Variants in CARS2 observed in about 807,000 individuals in gnomAD.
CARS2 encodes probable cysteine--tRNA ligase, mitochondrial.
Under a neutral mutation model 68.8 loss-of-function variants are expected in CARS2, and 52 were observed. The ratio of observed to expected loss-of-function variants is 0.76; its 90% CI spans 0.61 to 0.95. CARS2 has a LOEUF of 0.95. Ranked by LOEUF, CARS2 falls within the 40% of genes least tolerant of loss-of-function variation. The pLI is 0.00. For missense variants in CARS2, 780 were observed against 754.2 expected (o/e 1.03, Z -0.40); for synonymous variants, 314 against 303.6 (o/e 1.03, Z -0.36).
chr13:110,712,504 CAG>C, intron 1 of CARS2: 1 of 277,132 alleles, frequency 3.6e-6, no homozygotes, highest in South Asian at 2.8e-5. Flanking sequence ...AGGCCACGCC[CAG>C]GAGGGGCGGG....
chr13:110,675,927 G>A (rs931797735), intron 7 of CARS2, among the ~76,000 whole-genome samples: 1 of 152,164 alleles, frequency 6.6e-6, no homozygotes, highest in Non-Finnish European at 1.5e-5. Flanking sequence ...AGGCCAAGGC[G>A]GGCGGATTAC....
chr13:110,680,388 G>A (rs527749205), intron 6 of CARS2, among the ~76,000 whole-genome samples: 13 of 152,156 alleles, frequency 8.5e-5, no homozygotes, highest in East Asian at 5.8e-4. Flanking sequence ...GTGAGATTCC[G>A]TCTCAAAAAA....
At chr13:110,674,777 C>T (rs1169602449) in intron 7 of CARS2, among the ~76,000 whole-genome samples, 3 of 152,200 alleles carry the variant, frequency 2.0e-5, no homozygotes. Flanking sequence ...AGGCAACCTA[C>T]AGAATGGGAG....
chr13:110,712,959 T>C (rs1341818104), intron 1 of CARS2: 1 of 1,560,120 alleles, frequency 6.4e-7, no homozygotes, highest in Non-Finnish European at 8.7e-7. Flanking sequence ...CTGGGAGTGG[T>C]GGTCCGGCCG....
At chr13:110,671,915 C>G (rs9521887) in intron 7 of CARS2, among the ~76,000 whole-genome samples, 117,922 of 152,108 alleles carry the variant, frequency 0.78, 46,427 homozygotes, top group Middle Eastern at 0.85. Flanking sequence ...GGTTGCAAAC[C>G]TAGTGTCTGA....
intron 10 of CARS2, chr13:110,650,381 A>G (rs56353035): frequency 0.11 from 16,040 of 152,242 alleles, 1,253 homozygotes; most frequent in African/African-American, 0.21. Flanking sequence ...TACAGGTGTG[A>G]GCCATCGTGC....
In CARS2 at chr13:110,687,953, G is replaced by C; in HGVS notation, c.459C>G (p.Ala153=). 6.2e-7 allele frequency: 1 copy of C among 1,612,466 alleles called. No individual in the cohort carries two copies. Among genetic ancestry groups the C allele is most frequent in the Non-Finnish European group, 8.5e-7 (1 of 1,179,090 alleles). The change falls in exon 4 of 15, where the codon GCC becomes GCG. Residue 153 remains alanine (A), a synonymous_variant. Transcript: ENST00000257347. ...YEEDFKQDMA[A]LKVLPPTVYL... is the part of the protein sequence containing the mutation. ...AACCAGCCCCACACTTTACCTTCAGGGCTGCCATGTCCTGCTTGAAGTCTT... is the reference window on the plus strand; with the variant it reads ...AACCAGCCCCACACTTTACCTTCAGCGCTGCCATGTCCTGCTTGAAGTCTT...
chr13:110,708,282 A>T (rs2064000189), upstream of CARS2, among the ~76,000 whole-genome samples: 1 of 152,248 alleles, frequency 6.6e-6, no homozygotes, highest in Non-Finnish European at 1.5e-5. Context: ...GGGTAGTAAA[A>T]TACCTGATAA....
chr13:110,707,188 C>T (rs2063980386), upstream of CARS2: 1 of 150,198 alleles, frequency 6.7e-6, no homozygotes. Flanking sequence ...ATAGAGTGTG[C>T]GCCCCCACAC....
At chr13:110,681,506 G>A (rs1317219546) in intron 6 of CARS2, among the ~76,000 whole-genome samples, 1 of 152,184 alleles carries the variant, frequency 6.6e-6, no homozygotes, top group Non-Finnish European at 1.5e-5. Context: ...TGGTGGGGAT[G>A]CAAAATGGTG....
intron 9 of CARS2, among the ~76,000 whole-genome samples, chr13:110,662,432 C>T (rs977959564): frequency 5.3e-5 from 8 of 152,274 alleles, no homozygotes; most frequent in Non-Finnish European, 7.3e-5. Flanking sequence ...CCCGTGGCCC[C>T]GGGCTCCAAC....
chr13:110,706,712 AAC>A (rs1157660323), upstream of CARS2, among the ~76,000 whole-genome samples: 22 of 150,528 alleles, frequency 1.5e-4, 1 homozygote, highest in African/African-American at 2.7e-4. Context: ...TGTGCAACCC[AAC>A]ACACAGTCTG....
At chr13:110,655,711 A>C (rs1404523932) in intron 9 of CARS2, among the ~76,000 whole-genome samples, 1 of 152,248 alleles carries the variant, frequency 6.6e-6, no homozygotes, top group Non-Finnish European at 1.5e-5. Context: ...TCTTGTCTGC[A>C]GTTTTCAAAC....
chr13:110,666,095 C>T (rs941438634), intron 8 of CARS2: 145 of 985,222 alleles, frequency 1.5e-4, no homozygotes, highest in Middle Eastern at 5.2e-4. Flanking sequence ...CCTTGGGCCA[C>T]GGAAGAGAGA....
intron 2 of CARS2, among the ~76,000 whole-genome samples, chr13:110,704,026 C>T (rs1314879826): frequency 6.6e-6 from 1 of 152,228 alleles, no homozygotes; most frequent in Admixed American, 6.5e-5. Flanking sequence ...GAGGACACAG[C>T]AGGCAGACCC....
chr13:110,679,079 C>G (rs1256293700), intron 6 of CARS2, among the ~76,000 whole-genome samples: 1 of 49,462 alleles, frequency 2.0e-5, no homozygotes, highest in East Asian at 7.1e-4. Flanking sequence ...ACCCCGTGGC[C>G]CTGAATTTGA....
At position 110,679,327 on chromosome 13, in the gene CARS2, C is replaced by T. The variant is rs550715866; in HGVS notation, c.656-2224G>A. Among the ~76,000 whole-genome samples, 9 of 151,746 alleles carry T rather than the reference C, an allele frequency of 5.9e-5. No homozygotes were observed. The South Asian group carries it at 1.9e-3, about 32-fold the overall frequency. ...GGCGGATCACCTGAGGTCAGGAGTTCGAGACCAGCCTGACCAATATGACGA... is the reference window on the plus strand; with the variant it reads ...GGCGGATCACCTGAGGTCAGGAGTTTGAGACCAGCCTGACCAATATGACGA... On this transcript the variant is annotated intron_variant, in intron 6 of 14. Coordinates refer to ENST00000257347, the MANE Select transcript of CARS2 (RefSeq NM_024537.4).
At chr13:110,655,907 C>T (rs1349417531) in intron 9 of CARS2, among the ~76,000 whole-genome samples, 1 of 152,210 alleles carries the variant, frequency 6.6e-6, no homozygotes, top group Non-Finnish European at 1.5e-5. Flanking sequence ...ACAACTGTGG[C>T]TGCTGGGGAA....
intron 1 of CARS2, among the ~76,000 whole-genome samples, chr13:110,711,964 T>C (rs889276295): frequency 1.3e-5 from 2 of 152,242 alleles, no homozygotes; most frequent in African/African-American, 4.8e-5. Context: ...GAGTTTTAGA[T>C]GTTACAACAG....
Sources: gnomAD v4.1 joint callset for allele counts (sites outside exome capture counted in the v4.1 genomes callset) on GRCh38, gnomAD v4.1.1 for gene constraint, MANE v1.5 for transcripts, NCBI Gene and HGNC (gene_info 2026-07-23, HGNC 2026-07-21) for gene names.